Variants in NBEA observed in about 807,000 individuals in gnomAD.
NBEA encodes lysosomal-trafficking regulator 2.
NBEA carries 44 observed loss-of-function variants against 343.4 expected under a neutral mutation model. The ratio of observed to expected loss-of-function variants is 0.13; its 90% CI spans 0.10 to 0.16. The LOEUF is 0.16. Among genes scored for constraint, NBEA ranks in the 10% least tolerant of loss-of-function variants. The pLI, the probability that NBEA is intolerant of heterozygous loss-of-function variation, is 1.00. For synonymous variants in NBEA, 1,175 were observed against 1,238.7 expected, an observed-to-expected ratio of 0.95 and a Z score of 1.08; for missense variants, 2,555 against 3,631.3, an observed-to-expected ratio of 0.70 and a Z score of 7.62.
intron 40 of NBEA, among the ~76,000 whole-genome samples, chr13:35,456,149 C>T (rs992553005): frequency 6.6e-6 from 1 of 151,876 alleles, no homozygotes; most frequent in Non-Finnish European, 1.5e-5. Flanking sequence ...TTAATGTTGG[C>T]CTTTTCTTAT....
chr13:35,476,112 G>A, intron 41 of NBEA: 8 of 1,614,194 alleles, frequency 5.0e-6, no homozygotes, highest in Non-Finnish European at 6.8e-6. Flanking sequence ...TCAGATGGTA[G>A]ACCAGCTTGG....
At chr13:35,394,001 A>G (rs1189429636) in intron 38 of NBEA, among the ~76,000 whole-genome samples, 3 of 152,132 alleles carry the variant, frequency 2.0e-5, no homozygotes, top group African/African-American at 7.2e-5. Flanking sequence ...GTATTCTTTT[A>G]TAATATGCAG....
chr13:35,239,721 C>T (rs1010190014), intron 34 of NBEA, among the ~76,000 whole-genome samples: 1 of 151,874 alleles, frequency 6.6e-6, no homozygotes, highest in Admixed American at 6.6e-5. Flanking sequence ...TACTAGTAGC[C>T]CTGTCTGTTG....
At chr13:35,638,009 A>G (rs2083773555) in intron 49 of NBEA, among the ~76,000 whole-genome samples, 1 of 152,188 alleles carries the variant, frequency 6.6e-6, no homozygotes, top group South Asian at 2.1e-4. Context: ...GAAACAAGCC[A>G]GTCACAAAAA....
intron 30 of NBEA, chr13:35,186,565 CTT>C (rs1233027818): frequency 3.3e-5 from 5 of 152,150 alleles, no homozygotes; most frequent in Admixed American, 6.5e-5. Context: ...ACTTTCTCCT[CTT>C]TGAGTGTTAT....
chr13:35,591,337 C>T (rs1199201429), intron 46 of NBEA, among the ~76,000 whole-genome samples: 1 of 151,928 alleles, frequency 6.6e-6, no homozygotes, highest in Non-Finnish European at 1.5e-5. Context: ...AATTTAGTGA[C>T]AGATATGTTA....
chr13:35,292,756 CTAAGA>C (rs915874160), intron 35 of NBEA, among the ~76,000 whole-genome samples: 36 of 152,024 alleles, frequency 2.4e-4, no homozygotes, highest in African/African-American at 8.0e-4. Context: ...AGAAATCCAA[CTAAGA>C]TATTATTCAT....
chr13:35,643,235 A>G (rs1207617952), intron 49 of NBEA, among the ~76,000 whole-genome samples: 1 of 152,016 alleles, frequency 6.6e-6, no homozygotes, highest in Admixed American at 6.6e-5. Context: ...CTCTTTCCTA[A>G]GAACCTATTC....
intron 1 of NBEA, among the ~76,000 whole-genome samples, chr13:34,950,797 A>G (rs2059326957): frequency 6.6e-6 from 1 of 152,164 alleles, no homozygotes; most frequent in Admixed American, 6.5e-5. Flanking sequence ...GTGATTAAAA[A>G]GAAATGACCA....
intron 40 of NBEA, among the ~76,000 whole-genome samples, chr13:35,469,120 A>AAAT (rs398037474): frequency 2.6e-5 from 4 of 150,968 alleles, no homozygotes; most frequent in African/African-American, 9.7e-5. Flanking sequence ...AAAAAAAAAA[A>AAAT]GAATTTTGTA....
At chr13:35,057,724 C>T (rs1052755507) in intron 7 of NBEA, among the ~76,000 whole-genome samples, 1 of 152,034 alleles carries the variant, frequency 6.6e-6, no homozygotes, top group Non-Finnish European at 1.5e-5. Context: ...CTTCTTGACT[C>T]ATTAAATGAG....
rs3048224 is a variant in NBEA, at chr13:35,218,413, GTA to G, written c.5648+7238_5648+7239del. ...ATTTTTCTATAGATTGTTTCAAAAT[GTA>G]TATGTATATACATAATTCTGTCATC... On this transcript the variant is annotated intron_variant, in intron 33 of 58. Coordinates refer to ENST00000379939, the MANE Select transcript of NBEA (RefSeq NM_001385012.1). Among the ~76,000 whole-genome samples the G allele has an allele frequency of 2.8e-3, 431 of 151,976 alleles. 3 individuals are homozygous for G. Among genetic ancestry groups the G allele is most frequent in the African/African-American group, 0.01 (421 of 41,484 alleles).
intron 17 of NBEA, among the ~76,000 whole-genome samples, chr13:35,127,514 G>T (rs147030047): frequency 1.3e-5 from 2 of 152,084 alleles, no homozygotes. Flanking sequence ...TGACACAACC[G>T]TAATGAATTG....
chr13:35,310,483 C>T lies in NBEA; in HGVS notation c.5903+891C>T, dbSNP rs146703011. Among the ~76,000 whole-genome samples the T allele has an allele frequency of 1.5e-4, 23 of 152,204 alleles. No homozygotes were observed. The East Asian group carries it at 3.1e-3, about 20-fold the overall frequency. Reference sequence around the variant, plus strand: ...CAGGACTAAAACACAGCACGCTTTGCGGGCATGGCTGACTCACAAAGGTTG... The same window carrying T: ...CAGGACTAAAACACAGCACGCTTTGTGGGCATGGCTGACTCACAAAGGTTG... On this transcript the variant is annotated intron_variant, in intron 36 of 58. Transcript: ENST00000379939.
chr13:35,443,281 C>T (rs2045837676), intron 39 of NBEA, among the ~76,000 whole-genome samples: 1 of 152,008 alleles, frequency 6.6e-6, no homozygotes, highest in Non-Finnish European at 1.5e-5. Context: ...AGATGCTGTA[C>T]TCTGACTTTT....
chr13:35,121,468 T>A (rs970615215), intron 16 of NBEA, among the ~76,000 whole-genome samples: 5 of 151,936 alleles, frequency 3.3e-5, no homozygotes, highest in Admixed American at 1.3e-4. Flanking sequence ...TTGCTTCTTA[T>A]GATTTCTTGA....
intron 41 of NBEA, among the ~76,000 whole-genome samples, chr13:35,536,191 AG>A (rs1311026839): frequency 2.0e-5 from 3 of 152,224 alleles, no homozygotes; most frequent in Non-Finnish European, 4.4e-5. Context: ...TCACTGAAAA[AG>A]AAAAGTCTTT....
intron 33 of NBEA, among the ~76,000 whole-genome samples, chr13:35,226,387 AAAG>A (rs1477605685): frequency 1.3e-5 from 2 of 152,148 alleles, no homozygotes; most frequent in Non-Finnish European, 2.9e-5. Flanking sequence ...CTCTCCAGGG[AAAG>A]AATGTCTCTA....
intron 1 of NBEA, among the ~76,000 whole-genome samples, chr13:34,991,351 G>T (rs2060743079): frequency 6.6e-6 from 1 of 152,188 alleles, no homozygotes; most frequent in Non-Finnish European, 1.5e-5. Flanking sequence ...TCCACAGACT[G>T]TACAGGAAGC....
Sources: allele counts gnomAD v4.1 joint callset (sites outside exome capture counted in the v4.1 genomes callset), GRCh38; gene constraint gnomAD v4.1.1; transcripts MANE v1.5; gene names NCBI Gene and HGNC (gene_info 2026-07-23, HGNC 2026-07-21).